Variants in NME6 observed in about 807,000 individuals in gnomAD.
NME6 encodes nucleoside diphosphate kinase 6, mitochondrial.
In NME6, 16 loss-of-function variants were observed where a neutral mutation model predicts 22.2. The ratio of observed to expected loss-of-function variants is 0.72; its 90% CI spans 0.49 to 1.09. NME6 has a LOEUF of 1.09. Among genes scored for constraint, NME6 ranks in the 50% least tolerant of loss-of-function variants. The pLI, the probability that NME6 is intolerant of heterozygous loss-of-function variation, is 0.00. For missense variants in NME6, 229 were observed against 239.0 expected (o/e 0.96, Z 0.28); for synonymous variants, 58 against 85.2 (o/e 0.68, Z 1.76).
In NME6 at chr3:48,293,580, T is replaced by C. The variant is rs1196394786; in HGVS notation, c.*1057A>G. The C allele has an allele frequency of 6.6e-6, 1 of 152,160 alleles. No homozygotes were observed. The highest frequency in any genetic ancestry group is 1.9e-4 in the East Asian group (1 of 5,192). The allele number at this position is 152,160 out of a possible 1,614,324, so 9.4% of individuals were successfully genotyped here. On this transcript the variant is annotated 3_prime_UTR_variant, in exon 6 of 6. Coordinates refer to ENST00000442597, the MANE Select transcript of NME6 (RefSeq NM_001308426.2). ...TTAGTTCCAAAGCCAGCTATATCTTTTATAAAAGACTTTCCACCCTATCTC... is the reference window on the plus strand; with the variant it reads ...TTAGTTCCAAAGCCAGCTATATCTTCTATAAAAGACTTTCCACCCTATCTC...
rs760749558 is a variant in NME6, at chr3:48,296,738, C to T, written c.182G>A (p.Arg61Gln). The T allele has an allele frequency of 8.7e-6, 14 of 1,611,958 alleles. No individual in the cohort carries two copies. The Admixed American group carries it at 1.2e-4, about 13-fold the overall frequency. ...ACTACTGATCCTACCTTCATGCTCT[C>T]GGTAAAACCTCTGGCAATCTTCCTT... ...WRKEDCQRFY[R>Q]EHEGRFFYQR... The change falls in exon 3 of 6, where the codon CGA becomes CAA. Residue 61 changes from arginine to glutamine, a missense_variant. Arg to Gln is a conservative substitution (Grantham distance 43). Transcript: ENST00000442597.
chr3:48,300,600 G>A (rs1260660395), intron 1 of NME6: 2 of 294,636 alleles, frequency 6.8e-6, no homozygotes, highest in Non-Finnish European at 1.3e-5. Context: ...TCCAAGGCCA[G>A]GCTGCTAGGG....
In NME6 at chr3:48,301,352, C is replaced by T; in HGVS notation, c.-8+1G>A. The stretch of plus-strand genomic sequence containing the variant: ...CAGCAGAAGTCCGGCTGCGGGTTCA[C>T]CTTGTCCTCCGGCACAGGGCCCGGC... On this transcript the variant is annotated splice_donor_variant, in intron 1 of 5. Coordinates refer to ENST00000442597, the MANE Select transcript of NME6 (RefSeq NM_001308426.2). LOFTEE classifies it low-confidence loss of function (5UTR_SPLICE). 2 of 1,565,362 alleles carry T rather than the reference C, an allele frequency of 1.3e-6. No individual in the cohort carries two copies. Among genetic ancestry groups the T allele is most frequent in the Non-Finnish European group, 1.7e-6 (2 of 1,155,000 alleles).
At position 48,293,508 on chromosome 3, in the gene NME6, C is replaced by A. The variant is rs1359064486; in HGVS notation, c.*1129G>T. ...ATATTCCTGAAAATGAACAGACTGTCTAGTGCCCCAGACCCCTGCTATGGA... is the reference window on the plus strand; with the variant it reads ...ATATTCCTGAAAATGAACAGACTGTATAGTGCCCCAGACCCCTGCTATGGA... On this transcript the variant is annotated 3_prime_UTR_variant, in exon 6 of 6. Transcript: ENST00000442597. 5 of 152,250 alleles carry A rather than the reference C, an allele frequency of 3.3e-5. No homozygotes were observed. The allele number at this position is 152,250 out of a possible 1,614,324, so 9.4% of individuals were successfully genotyped here.
At position 48,293,732 on chromosome 3, in the gene NME6, T is replaced by C. The variant is rs1172436306; in HGVS notation, c.*905A>G. On this transcript the variant is annotated 3_prime_UTR_variant, in exon 6 of 6. Coordinates refer to ENST00000442597, the MANE Select transcript of NME6 (RefSeq NM_001308426.2). Reference sequence around the variant, plus strand: ...CTGGCTGACCACCCAAATTCATAATTAGCAACTTGAGGACCCAATCATGTC... The same window carrying C: ...CTGGCTGACCACCCAAATTCATAATCAGCAACTTGAGGACCCAATCATGTC... 1 of 152,218 alleles carries C rather than the reference T, an allele frequency of 6.6e-6. No homozygotes were observed. The highest frequency in any genetic ancestry group is 1.5e-5 in the Non-Finnish European group (1 of 68,076). The allele number at this position is 152,218 out of a possible 1,614,324, so 9.4% of individuals were successfully genotyped here.
intron 1 of NME6, chr3:48,300,162 T>A (rs778901433): frequency 3.8e-5 from 17 of 443,068 alleles, no homozygotes; most frequent in Non-Finnish European, 7.2e-5. Context: ...CATGAAAATC[T>A]AATCATATGG....
rs3197223 is a variant in NME6, at chr3:48,294,367, C to T, written c.*270G>A. 0.24 allele frequency: 80,678 copies of T among 334,680 alleles called. 11,376 individuals carry two copies. The highest frequency in any genetic ancestry group is 0.31 in the South Asian group (5,315 of 17,380). The allele number at this position is 334,680 out of a possible 1,614,324, so 20.7% of individuals were successfully genotyped here. A position where few individuals can be genotyped will look rare whatever the true frequency, so the allele number is the denominator to read the frequency against. ...GATTATAGGCGTGAGCCACCGTGCC[C>T]GGCCTGGCAAGCTTCTTCTTGAAGA... is the stretch of plus-strand genomic sequence containing the variant. On this transcript the variant is annotated 3_prime_UTR_variant, in exon 6 of 6. Coordinates refer to ENST00000442597, the MANE Select transcript of NME6 (RefSeq NM_001308426.2).
chr3:48,291,476 G>A (rs991975859), downstream of NME6: 1 of 209,052 alleles, frequency 4.8e-6, no homozygotes. Flanking sequence ...AATCTCTCAG[G>A]CTCAAGCAAT....
At chr3:48,288,367 C>A (rs1236113984), downstream of NME6, among the ~76,000 whole-genome samples, 1 of 149,450 alleles carries the variant, frequency 6.7e-6, no homozygotes, top group Non-Finnish European at 1.5e-5. Context: ...AGAGTGAGAC[C>A]CTGTCTCAAA....
rs1399189929 is a variant in NME6 at position 48,293,435 on chromosome 3, T to C, written c.*1202A>G. 2.0e-5 allele frequency: 3 copies of C among 152,204 alleles called. No individual in the cohort carries two copies. Among genetic ancestry groups the C allele is most frequent in the African/African-American group, 2.4e-5 (1 of 41,462 alleles). 9.4% of individuals were successfully genotyped at this position (152,204 alleles called of 1,614,324 possible). ...ACTGAGAAAGAAAAGTCAAGACCTGTAAGAAGTGTCACAGGTTTCTTAGGT... is the reference window on the plus strand; with the variant it reads ...ACTGAGAAAGAAAAGTCAAGACCTGCAAGAAGTGTCACAGGTTTCTTAGGT... On this transcript the variant is annotated 3_prime_UTR_variant, in exon 6 of 6. Transcript: ENST00000442597.
At position 48,292,898 on chromosome 3, in the gene NME6, C is replaced by G. The variant is rs1281247929; in HGVS notation, c.*1739G>C. ...TGGCCTTAGAAGACAGAGATAGTAT[C>G]TCCCTAAGATTGTGGTTCCTTAGCC... is the stretch of plus-strand genomic sequence containing the variant. On this transcript the variant is annotated 3_prime_UTR_variant, in exon 6 of 6. Coordinates refer to ENST00000442597, the MANE Select transcript of NME6 (RefSeq NM_001308426.2). The G allele has an allele frequency of 6.6e-6, 1 of 152,234 alleles. No homozygotes were observed. Among genetic ancestry groups the G allele is most frequent in the Non-Finnish European group, 1.5e-5 (1 of 68,092 alleles). 9.4% of individuals were successfully genotyped at this position (152,234 alleles called of 1,614,324 possible). A position where few individuals can be genotyped will look rare whatever the true frequency, so the allele number is the denominator to read the frequency against.
At chr3:48,298,025 A>G (rs1188680142) in intron 2 of NME6, 2 of 259,298 alleles carry the variant, frequency 7.7e-6, no homozygotes, top group Non-Finnish European at 1.5e-5. Context: ...CCAGATAAGG[A>G]CCTGGTCAGC....
chr3:48,294,739 C>T lies in NME6; in HGVS notation c.459G>A (p.Trp153Ter), dbSNP rs1366691839. 1 of 1,614,136 alleles carries T rather than the reference C, an allele frequency of 6.2e-7. No individual in the cohort carries two copies. Among genetic ancestry groups the T allele is most frequent in the South Asian group, 1.1e-5 (1 of 91,090 alleles). Residue 153 changes from tryptophan (W) to a stop codon, truncating the protein, a stop_gained, in exon 6 of 6, where the codon TGG becomes TGA. Transcript: ENST00000442597. LOFTEE classifies it high-confidence loss of function. ...AFFPDFSEQR[W>*]YEEEEPQLRC... ...GCAACTGGGGCTCTTCCTCCTCATA[C>T]CAGCGCTGTTCACTGAAGTCAGGGA...
At chr3:48,296,936 G>T (rs965142620) in intron 2 of NME6, 107 bp from the exon 3 acceptor site, 2 of 776,700 alleles carry the variant, frequency 2.6e-6, no homozygotes, top group Non-Finnish European at 4.2e-6. Context: ...TTGTCCCATT[G>T]AAGGGTGAGA....
chr3:48,294,470 A>G lies in NME6; in HGVS notation c.*167T>C. 1 of 605,054 alleles carries G rather than the reference A, an allele frequency of 1.7e-6. No homozygotes were observed. Among genetic ancestry groups the G allele is most frequent in the Non-Finnish European group, 2.9e-6 (1 of 343,258 alleles). 37.5% of individuals were successfully genotyped at this position (605,054 alleles called of 1,614,324 possible). ...AACATTCCAGAGAAGAGGTAGATAG[A>G]AGGCTAGATCCTGGAGGATGTGCTG... is the stretch of plus-strand genomic sequence containing the variant. On this transcript the variant is annotated 3_prime_UTR_variant, in exon 6 of 6. Coordinates refer to ENST00000442597, the MANE Select transcript of NME6 (RefSeq NM_001308426.2).
chr3:48,298,592 C>A, intron 1 of NME6, 69 bp from the exon 2 acceptor site: 1 of 1,181,096 alleles, frequency 8.5e-7, no homozygotes, highest in Non-Finnish European at 1.2e-6. Flanking sequence ...ATTGGAGCCA[C>A]GCAGCCTTGC....
At chr3:48,296,006 CG>C (rs1458081119) in intron 4 of NME6, 112 bp downstream of exon 4, 5 of 821,430 alleles carry the variant, frequency 6.1e-6, no homozygotes, top group Admixed American at 1.9e-5. Flanking sequence ...CATGAGCCAC[CG>C]TGCCTGGCCT....
At chr3:48,288,675 C>A (rs2034282521), downstream of NME6, 1 of 151,046 alleles carries the variant, frequency 6.6e-6, no homozygotes, top group Non-Finnish European at 1.5e-5. Flanking sequence ...TTTCTCACTG[C>A]TGCACTTGAC....
At chr3:48,288,410 A>G (rs6791930), downstream of NME6, among the ~76,000 whole-genome samples, 39,527 of 151,840 alleles carry the variant, frequency 0.26, 5,517 homozygotes, top group Non-Finnish European at 0.3. Flanking sequence ...TAGAGATGGA[A>G]GAATTCTAAT....
Sources: gnomAD v4.1 joint callset for allele counts (sites outside exome capture counted in the v4.1 genomes callset) on GRCh38, gnomAD v4.1.1 for gene constraint, MANE v1.5 for transcripts, NCBI Gene and HGNC (gene_info 2026-07-23, HGNC 2026-07-21) for gene names.